USP46: variants seen among roughly 807,000 people sequenced by gnomAD.
USP46 encodes ubiquitin specific peptidase 46.
In USP46, 12 loss-of-function variants were observed where a neutral mutation model predicts 44.4. That is an observed-to-expected ratio of 0.27 (90% CI 0.17 to 0.44). The LOEUF is 0.44. Among genes scored for constraint, USP46 ranks in the 20% least tolerant of loss-of-function variants. The pLI is 1.00. For synonymous variants in USP46, 155 were observed against 161.5 expected (o/e 0.96, Z 0.31); for missense variants, 248 against 444.8 (o/e 0.56, Z 3.98).
chr4:52,632,985 A>AG (rs760910750), intron 1 of USP46, among the ~76,000 whole-genome samples: 1 of 53,314 alleles, frequency 1.9e-5, no homozygotes, highest in East Asian at 6.0e-4. Context: ...AGAAAGAAAG[A>AG]AAAGAAAAGA....
intron 4 of USP46, among the ~76,000 whole-genome samples, chr4:52,623,404 A>G (rs1717452578): frequency 6.6e-6 from 1 of 152,242 alleles, no homozygotes; most frequent in Non-Finnish European, 1.5e-5. Flanking sequence ...TGAGTTCATC[A>G]CAAAATGGTA....
chr4:52,630,651 C>T (rs1046608288), intron 2 of USP46, among the ~76,000 whole-genome samples: 6 of 149,428 alleles, frequency 4.0e-5, no homozygotes, highest in Admixed American at 3.4e-4. Context: ...GGTAGGAGAT[C>T]GCTTGAACAC....
chr4:52,608,907 G>C (rs553528427), intron 5 of USP46, among the ~76,000 whole-genome samples: 1 of 152,238 alleles, frequency 6.6e-6, no homozygotes, highest in Non-Finnish European at 1.5e-5. Context: ...GAGATTCTGG[G>C]AAGGAGTCAT....
chr4:52,591,838 T>C lies in USP46; in HGVS notation c.*5802A>G, dbSNP rs977244642. The C allele has an allele frequency of 3.9e-5, 6 of 152,242 alleles. No individual in the cohort carries two copies. The highest frequency in any genetic ancestry group is 8.8e-5 in the Non-Finnish European group (6 of 68,042). The allele number at this position is 152,242 out of a possible 1,614,324, so 9.4% of individuals were successfully genotyped here. On this transcript the variant is annotated 3_prime_UTR_variant, in exon 9 of 9. Transcript: ENST00000441222. ...ATTATTTGGTCATAATGTAAACAGA[T>C]TGTTTAGAAATAACAGATATTTGAT...
chr4:52,610,396 G>A lies in USP46; in HGVS notation c.638+145C>T, dbSNP rs1187958266. The A allele has an allele frequency of 1.8e-4, 124 of 693,872 alleles. 1 individual carries two copies. Among genetic ancestry groups the A allele is most frequent in the East Asian group, 1.6e-4 (6 of 36,456 alleles). The allele number at this position is 693,872 out of a possible 1,614,324, so 43.0% of individuals were successfully genotyped here. The stretch of plus-strand genomic sequence containing the variant: ...GGACTCTTCTCCAGACCACATAATC[G>A]CTCTTGGGAAAGGAGAGATAGAAAA... On this transcript the variant is annotated intron_variant, in intron 5 of 8. Coordinates refer to ENST00000441222, the MANE Select transcript of USP46 (RefSeq NM_022832.4).
At chr4:52,598,533 G>A in intron 8 of USP46, 95 bp downstream of exon 8, 1 of 1,255,748 alleles carries the variant, frequency 8.0e-7, no homozygotes, top group Non-Finnish European at 1.1e-6. Flanking sequence ...TACATTATGG[G>A]GAAACAGGCC....
At chr4:52,621,163 A>G (rs1428452465) in intron 4 of USP46, among the ~76,000 whole-genome samples, 7 of 152,242 alleles carry the variant, frequency 4.6e-5, no homozygotes, top group Non-Finnish European at 1.0e-4. Flanking sequence ...AAGAAAAGAG[A>G]GAACTAATTT....
At chr4:52,629,833 T>C (rs1717746553) in intron 2 of USP46, 2 of 427,890 alleles carry the variant, frequency 4.7e-6, no homozygotes, top group South Asian at 3.4e-5. Flanking sequence ...GATGGGGAAA[T>C]GGAGGCTCAG....
Position 52,598,011 on chromosome 4 carries a change from C to T in USP46, c.1000-270G>A, listed in dbSNP as rs558420954. Among the ~76,000 whole-genome samples, 11 of 152,284 alleles carry T rather than the reference C, an allele frequency of 7.2e-5. 1 individual carries two copies. The highest frequency in any genetic ancestry group is 4.1e-4 in the South Asian group (2 of 4,824). On this transcript the variant is annotated intron_variant, in intron 8 of 8. Transcript: ENST00000441222. ...TTTGAAGAACAAGCCAAGACATCTC[C>T]CAGATGGTAAACTGATGGGTCCTGG...
At chr4:52,631,724 G>T (rs1298165504) in intron 1 of USP46, among the ~76,000 whole-genome samples, 1 of 152,090 alleles carries the variant, frequency 6.6e-6, no homozygotes, top group African/African-American at 2.4e-5. Context: ...ATAGTGCAGG[G>T]GCTGGGTGCA....
chr4:52,620,252 C>A (rs1048940895), intron 4 of USP46, among the ~76,000 whole-genome samples: 4 of 152,160 alleles, frequency 2.6e-5, no homozygotes, highest in Non-Finnish European at 5.9e-5. Context: ...CTGAGCCCAT[C>A]TTCTGAGGCT....
At chr4:52,614,502 A>G (rs1717049024) in intron 4 of USP46, among the ~76,000 whole-genome samples, 1 of 152,248 alleles carries the variant, frequency 6.6e-6, no homozygotes. Flanking sequence ...AAGACAGTGA[A>G]GCATCTTTCA....
chr4:52,622,282 GTATATGTGGCCTA>G (rs1251640430), intron 4 of USP46, among the ~76,000 whole-genome samples: 3 of 152,088 alleles, frequency 2.0e-5, no homozygotes, highest in Non-Finnish European at 2.9e-5. Flanking sequence ...TCTTTAAAAT[GTATATGTGGCCTA>G]TATATAAACA....
intron 1 of USP46, among the ~76,000 whole-genome samples, chr4:52,651,458 A>G (rs1304819231): frequency 6.6e-6 from 1 of 152,186 alleles, no homozygotes; most frequent in African/African-American, 2.4e-5. Context: ...CAAAGAACCT[A>G]AAACCATACA....
In USP46 at chr4:52,635,887, G is replaced by A. The variant is rs116494570; in HGVS notation, c.37-4743C>T. On this transcript the variant is annotated intron_variant, in intron 1 of 8. Transcript: ENST00000441222. Reference sequence around the variant, plus strand: ...AGCTGGTGGTGAGGTGGGGAGAAGTGGGGGTGGAGGATAAAGCTGTGTTGT... The same window carrying A: ...AGCTGGTGGTGAGGTGGGGAGAAGTAGGGGTGGAGGATAAAGCTGTGTTGT... 5.3e-4 allele frequency among the ~76,000 whole-genome samples: 80 copies of A among 152,298 alleles called. No homozygotes were observed. The East Asian group carries it at 9.5e-3, about 18-fold the overall frequency.
intron 4 of USP46, among the ~76,000 whole-genome samples, chr4:52,620,638 GA>G (rs1717341789): frequency 6.6e-6 from 1 of 152,184 alleles, no homozygotes. Flanking sequence ...AGCAGGGACA[GA>G]TGATGTAGAG....
At chr4:52,618,331 A>T (rs1717244223) in intron 4 of USP46, among the ~76,000 whole-genome samples, 1 of 152,198 alleles carries the variant, frequency 6.6e-6, no homozygotes, top group Admixed American at 6.5e-5. Flanking sequence ...TTTACTAAAA[A>T]ATACAAAAAT....
At chr4:52,648,519 G>A (rs1474519193) in intron 1 of USP46, among the ~76,000 whole-genome samples, 2 of 152,168 alleles carry the variant, frequency 1.3e-5, no homozygotes, top group African/African-American at 4.8e-5. Context: ...ATACACAGAT[G>A]TAGCAAAAAC....
chr4:52,609,658 T>A (rs1014318705), intron 5 of USP46, among the ~76,000 whole-genome samples: 5 of 152,078 alleles, frequency 3.3e-5, no homozygotes, highest in Non-Finnish European at 1.5e-5. Flanking sequence ...GGTCAAGGTC[T>A]AGATTAGGTG....
Sources: gnomAD v4.1 joint callset for allele counts (sites outside exome capture counted in the v4.1 genomes callset) on GRCh38, gnomAD v4.1.1 for gene constraint, MANE v1.5 for transcripts, NCBI Gene and HGNC (gene_info 2026-07-23, HGNC 2026-07-21) for gene names.